Variants in PPP3CA observed in about 807,000 individuals in gnomAD.
PPP3CA encodes CAM-PRP catalytic subunit.
In PPP3CA, 14 loss-of-function variants were observed where a neutral mutation model predicts 66.5. The observed-to-expected ratio is 0.21, with a 90% CI of 0.14 to 0.33. The LOEUF (loss-of-function observed/expected upper bound fraction) is 0.33, where lower values mean the gene tolerates loss of function less well. Among genes scored for constraint, PPP3CA ranks in the 10% least tolerant of loss-of-function variants. PPP3CA has a pLI of 1.00. For synonymous variants in PPP3CA, 232 were observed against 226.2 expected (o/e 1.03, Z -0.23); for missense variants, 317 against 639.5 (o/e 0.50, Z 5.44).
At chr4:101,300,561 G>A (rs1371918707) in intron 1 of PPP3CA, among the ~76,000 whole-genome samples, 5 of 152,130 alleles carry the variant, frequency 3.3e-5, no homozygotes, top group Non-Finnish European at 7.4e-5. Flanking sequence ...TTGGGAGGCC[G>A]AGGCAGGTGG....
At chr4:101,140,103 C>G (rs950249265) in intron 2 of PPP3CA, among the ~76,000 whole-genome samples, 4 of 152,038 alleles carry the variant, frequency 2.6e-5, no homozygotes, top group African/African-American at 9.7e-5. Flanking sequence ...TAAAAATTCT[C>G]TAAACTATTA....
intron 1 of PPP3CA, among the ~76,000 whole-genome samples, chr4:101,320,085 A>G (rs901751105): frequency 6.6e-6 from 1 of 152,138 alleles, no homozygotes; most frequent in African/African-American, 2.4e-5. Flanking sequence ...CAACTCTAAA[A>G]ACAAAACAGT....
At chr4:101,111,928 G>A (rs1721687474) in intron 2 of PPP3CA, among the ~76,000 whole-genome samples, 6 of 152,274 alleles carry the variant, frequency 3.9e-5, no homozygotes, top group Middle Eastern at 6.8e-3. Flanking sequence ...TTGGAGGTGG[G>A]AGGAATAAGG....
At chr4:101,319,655 C>T (rs1728981191) in intron 1 of PPP3CA, among the ~76,000 whole-genome samples, 1 of 151,992 alleles carries the variant, frequency 6.6e-6, no homozygotes, top group African/African-American at 2.4e-5. Flanking sequence ...AAAAAGAAAT[C>T]TCACAAATCA....
intron 2 of PPP3CA, chr4:101,171,162 T>C: frequency 2.2e-6 from 1 of 455,866 alleles, no homozygotes; most frequent in South Asian, 1.5e-5. Context: ...AAATCTCCTT[T>C]CTGTGTCATT....
chr4:101,324,340 C>A (rs1230567462), intron 1 of PPP3CA, among the ~76,000 whole-genome samples: 4 of 152,094 alleles, frequency 2.6e-5, no homozygotes, highest in African/African-American at 9.7e-5. Flanking sequence ...TGGCTCCAGA[C>A]CACTCCACCA....
intron 2 of PPP3CA, among the ~76,000 whole-genome samples, chr4:101,127,197 T>C (rs1478309558): frequency 6.6e-6 from 1 of 151,882 alleles, no homozygotes; most frequent in African/African-American, 2.4e-5. Flanking sequence ...CCAACTCCAT[T>C]AGTGCCCTCT....
At chr4:101,188,784 G>A (rs1282321966) in intron 2 of PPP3CA, among the ~76,000 whole-genome samples, 2 of 152,108 alleles carry the variant, frequency 1.3e-5, no homozygotes, top group African/African-American at 4.8e-5. Context: ...CAAAATACAG[G>A]AGAAGAATAG....
At chr4:101,123,568 C>T (rs563807182) in intron 2 of PPP3CA, among the ~76,000 whole-genome samples, 8 of 152,128 alleles carry the variant, frequency 5.3e-5, no homozygotes, top group East Asian at 1.9e-4. Context: ...CAGTGGCTCA[C>T]GCCTATAATC....
chr4:101,298,458 T>C (rs369662410), intron 1 of PPP3CA, among the ~76,000 whole-genome samples: 1 of 152,048 alleles, frequency 6.6e-6, no homozygotes, highest in South Asian at 2.1e-4. Flanking sequence ...ATGCCTCCCC[T>C]GCCACCTCCT....
At chr4:101,235,777 T>C (rs1038906101) in intron 1 of PPP3CA, among the ~76,000 whole-genome samples, 2 of 151,880 alleles carry the variant, frequency 1.3e-5, no homozygotes, top group Non-Finnish European at 2.9e-5. Flanking sequence ...ACTGATGTTA[T>C]AGAGGATAAT....
At chr4:101,345,897 G>C (rs549313679) in intron 1 of PPP3CA, among the ~76,000 whole-genome samples, 3 of 152,366 alleles carry the variant, frequency 2.0e-5, no homozygotes, top group Non-Finnish European at 4.4e-5. Context: ...TATCACTTGG[G>C]AGGTGTGCAC....
At chr4:101,059,369 A>G (rs1728361688) in intron 10 of PPP3CA, among the ~76,000 whole-genome samples, 1 of 152,088 alleles carries the variant, frequency 6.6e-6, no homozygotes, top group Admixed American at 6.6e-5. Flanking sequence ...TATGTTGCAC[A>G]TCTCCTTGCG....
intron 1 of PPP3CA, among the ~76,000 whole-genome samples, chr4:101,211,535 G>T (rs1223289307): frequency 6.6e-6 from 1 of 152,144 alleles, no homozygotes; most frequent in African/African-American, 2.4e-5. Context: ...CCTTAAAAGA[G>T]ACCAAAATGT....
intron 1 of PPP3CA, among the ~76,000 whole-genome samples, chr4:101,311,361 C>G (rs1216644686): frequency 2.0e-5 from 3 of 152,146 alleles, no homozygotes; most frequent in Non-Finnish European, 4.4e-5. Flanking sequence ...CCCTATTTAT[C>G]TAAGGAGATA....
intron 1 of PPP3CA, among the ~76,000 whole-genome samples, chr4:101,334,174 G>A (rs6844844): frequency 0.1 from 15,649 of 151,082 alleles, 2,759 homozygotes; most frequent in African/African-American, 0.36. Flanking sequence ...CACTCTTGTC[G>A]CCCAGGCTTG....
chr4:101,132,203 A>G (rs2110283619), intron 2 of PPP3CA, among the ~76,000 whole-genome samples: 1 of 152,326 alleles, frequency 6.6e-6, no homozygotes, highest in Admixed American at 6.5e-5. Flanking sequence ...CTAGAGAAGC[A>G]AGAGCAAACA....
intron 7 of PPP3CA, among the ~76,000 whole-genome samples, chr4:101,081,047 C>T (rs995251620): frequency 6.6e-6 from 1 of 152,082 alleles, no homozygotes; most frequent in Non-Finnish European, 1.5e-5. Flanking sequence ...AGACTTACCA[C>T]TAATAACCAG....
intron 1 of PPP3CA, among the ~76,000 whole-genome samples, chr4:101,290,399 CCATGTTTTAT>C (rs1445274324): frequency 1.3e-5 from 2 of 152,134 alleles, no homozygotes; most frequent in African/African-American, 4.8e-5. Flanking sequence ...TTTCCCATCA[CCATGTTTTAT>C]TTTTAACAAC....
Sources: gnomAD v4.1 joint callset for allele counts (sites outside exome capture counted in the v4.1 genomes callset) on GRCh38, gnomAD v4.1.1 for gene constraint, MANE v1.5 for transcripts, NCBI Gene and HGNC (gene_info 2026-07-23, HGNC 2026-07-21) for gene names.